The following SCN9A variants were observed in gnomAD, a reference collection of about 807,000 sequenced individuals.
SCN9A encodes the protein sodium voltage-gated channel alpha subunit 9.
In SCN9A, 131 loss-of-function variants were observed where a neutral mutation model predicts 187.0. The observed-to-expected ratio is 0.70, with a 90% confidence interval of 0.61 to 0.81. The LOEUF (loss-of-function observed/expected upper bound fraction) is 0.81. Ranked by LOEUF, SCN9A falls within the 30% of genes least tolerant of loss-of-function variation. SCN9A has a pLI of 0.00. For synonymous variants in SCN9A, 809 were observed against 808.6 expected, an observed-to-expected ratio of 1.00 and a Z score of -0.01; for missense variants, 2,252 against 2,396.6, an observed-to-expected ratio of 0.94 and a Z score of 1.26.
At chr2:166,211,150 A>G (rs1417720830) in intron 24 of SCN9A, among the ~76,000 whole-genome samples, 1 of 152,232 alleles carries the variant, frequency 6.6e-6, no homozygotes, top group Admixed American at 6.5e-5. Flanking sequence ...GCAAGAAAAA[A>G]ACTGAATTGT....
rs369396806 is a variant in SCN9A, at chr2:166,281,745, G to C, written c.2038C>G (p.Leu680Val). Reference sequence around the variant, plus strand: ...CTCTGTCTGAGGTTGGGATCATTCAGCATATCCTCTGAAAGGAGATAGGAA... The same window carrying C: ...CTCTGTCTGAGGTTGGGATCATTCACCATATCCTCTGAAAGGAGATAGGAA... ...CSSYLLSEDM[L>V]NDPNLRQRAM... is the part of the protein sequence containing the mutation. Residue 680 changes from leucine to valine, a missense_variant, in exon 13 of 27, where the codon CTG becomes GTG. By Grantham distance (32) the Leu-to-Val change is conservative. Transcript: ENST00000642356. 22 of 1,612,974 alleles carry C rather than the reference G, an allele frequency of 1.4e-5. No individual in the cohort carries two copies. The African/African-American group carries it at 2.4e-4, about 18-fold the overall frequency.
chr2:166,370,192 A>AAATAAT (rs752123654), intron 1 of SCN9A, among the ~76,000 whole-genome samples: 1 of 141,406 alleles, frequency 7.1e-6, no homozygotes, highest in African/African-American at 2.6e-5. Flanking sequence ...CCCCCAGTTA[A>AAATAAT]AATAATAATA....
intron 17 of SCN9A, among the ~76,000 whole-genome samples, chr2:166,271,693 A>G (rs796849571): frequency 6.6e-6 from 1 of 151,986 alleles, no homozygotes; most frequent in African/African-American, 2.4e-5. Context: ...TGTCTCTACA[A>G]ACTTTTTTAA....
intron 1 of SCN9A, among the ~76,000 whole-genome samples, chr2:166,358,089 G>A (rs1166823348): frequency 7.2e-6 from 1 of 139,488 alleles, no homozygotes; most frequent in Non-Finnish European, 1.6e-5. Flanking sequence ...TTTATTTTGA[G>A]ATGGAGTCGC....
intron 1 of SCN9A, among the ~76,000 whole-genome samples, chr2:166,359,914 C>G (rs1176234235): frequency 6.6e-6 from 1 of 150,790 alleles, no homozygotes; most frequent in African/African-American, 2.4e-5. Context: ...ATATAGTATT[C>G]CTCAAGTTTA....
At chr2:166,325,887 C>A (rs1699350579) in intron 1 of SCN9A, among the ~76,000 whole-genome samples, 1 of 152,106 alleles carries the variant, frequency 6.6e-6, no homozygotes, top group African/African-American at 2.4e-5. Flanking sequence ...ACTACAAAAG[C>A]CCCTTTTGTC....
Position 166,278,153 on chromosome 2 carries a change from C to A in SCN9A, c.2504G>T (p.Arg835Leu). ...LADVEGLSVL[R>L]SFRLLRVFKL... ...GTTTATGTTTACCAGTCTGAATGAT[C>A]GCAGAACTGACAATCCTTCCACATC... Residue 835 changes from arginine to leucine, a missense_variant, in exon 15 of 27, where the codon CGA becomes CTA. Coordinates refer to ENST00000642356, the MANE Select transcript of SCN9A (RefSeq NM_001365536.1). 6.2e-7 allele frequency: 1 copy of A among 1,612,124 alleles called. No individual in the cohort carries two copies. The highest frequency in any genetic ancestry group is 8.5e-7 in the Non-Finnish European group (1 of 1,179,188).
At chr2:166,276,416 A>T (rs545396900) in intron 16 of SCN9A, 1 of 152,288 alleles carries the variant, frequency 6.6e-6, no homozygotes, top group African/African-American at 2.4e-5. Flanking sequence ...GAACACTAAA[A>T]TTTGCATTTC....
chr2:166,311,724 G>A lies in SCN9A; in HGVS notation c.33C>T (p.Ser11=), dbSNP rs746554596. 1.2e-6 allele frequency: 2 copies of A among 1,609,234 alleles called. No individual in the cohort carries two copies. Among genetic ancestry groups the A allele is most frequent in the African/African-American group, 2.7e-5 (2 of 74,746 alleles). The change falls in exon 2 of 27, where the codon AGC becomes AGT. Residue 11 remains serine, a synonymous_variant. Coordinates refer to ENST00000642356, the MANE Select transcript of SCN9A (RefSeq NM_001365536.1). The part of the protein sequence containing the change: MAMLPPPGPQ[S]FVHFTKQSLA... ...GAGACTGTTTTGTGAAATGGACAAA[G>A]CTCTGAGGTCCTGGGGGAGGCAACA...
intron 24 of SCN9A, among the ~76,000 whole-genome samples, chr2:166,221,861 A>T (rs969321558): frequency 5.9e-5 from 9 of 152,172 alleles, no homozygotes; most frequent in Admixed American, 2.0e-4. Flanking sequence ...CCAAGAATAC[A>T]CAATAGAAAA....
At position 166,373,306 on chromosome 2, in the gene SCN9A, C is replaced by T. The variant is rs1463267460; in HGVS notation, c.-51+2391G>A. ...GTTTATTTCTTCTTCTCCTCTTCTT[C>T]TTCCTCTTTTTTTTTTTTTTTAAAT... On this transcript the variant is annotated intron_variant, in intron 1 of 26. Transcript: ENST00000642356. Among the ~76,000 whole-genome samples, 5 of 142,168 alleles carry T rather than the reference C, an allele frequency of 3.5e-5. No homozygotes were observed. The East Asian group carries it at 1.1e-3, about 30-fold the overall frequency. The allele number at this position is 142,168 out of a possible 152,430, so 93.3% of individuals were successfully genotyped here. A position where few individuals can be genotyped will look rare whatever the true frequency, so the allele number is the denominator to read the frequency against.
intron 24 of SCN9A, among the ~76,000 whole-genome samples, chr2:166,219,906 GT>G (rs1185076227): frequency 2.6e-5 from 4 of 152,120 alleles, no homozygotes; most frequent in South Asian, 2.1e-4. Context: ...TCAAAACATT[GT>G]TTTGTACCCC....
rs947485667 is a variant in SCN9A, at chr2:166,286,498, T to C, written c.1440A>G (p.Arg480=). 2 of 1,613,562 alleles carry C rather than the reference T, an allele frequency of 1.2e-6. No individual in the cohort carries two copies. The highest frequency in any genetic ancestry group is 1.7e-6 in the Non-Finnish European group (2 of 1,179,814). ...SKSAKERRNR[R]KKKNQKKLSS... is the part of the protein sequence containing the mutation. ...AGAGCTTCTTTTGATTCTTTTTCTT[T>C]CTTCTGTTTCTTCTTTCTTTAGCAC... The change falls in exon 11 of 27, where the codon AGA becomes AGG. Residue 480 remains arginine, a synonymous_variant. Transcript: ENST00000642356.
chr2:166,215,992 T>C (rs1694314487), intron 24 of SCN9A, among the ~76,000 whole-genome samples: 1 of 151,948 alleles, frequency 6.6e-6, no homozygotes, highest in South Asian at 2.1e-4. Context: ...TTCACAACAA[T>C]ATATTAGCAA....
chr2:166,291,179 G>A (rs866605346), intron 9 of SCN9A, among the ~76,000 whole-genome samples: 2 of 152,022 alleles, frequency 1.3e-5, no homozygotes, highest in Non-Finnish European at 1.5e-5. Flanking sequence ...TAGAAAACCC[G>A]ATCATCTCAG....
chr2:166,332,833 C>T (rs1349611568), intron 1 of SCN9A, among the ~76,000 whole-genome samples: 3 of 151,752 alleles, frequency 2.0e-5, no homozygotes, highest in Admixed American at 2.0e-4. Flanking sequence ...AAAACCAAGC[C>T]ATTATTTAAT....
At chr2:166,263,084 A>G (rs934397744) in intron 17 of SCN9A, among the ~76,000 whole-genome samples, 1 of 151,926 alleles carries the variant, frequency 6.6e-6, no homozygotes, top group Non-Finnish European at 1.5e-5. Context: ...TCTCCCCTGG[A>G]AAGGTAAAGG....
At position 166,288,448 on chromosome 2, in the gene SCN9A, C is replaced by T. The variant is rs775475997; in HGVS notation, c.1303G>A (p.Glu435Lys). The stretch of plus-strand genomic sequence containing the variant: ...TCAAATAACAGTACCTCAGCTTCTT[C>T]TTGCTCTTTTTTAAGACGGTCTAAC... ...QMLDRLKKEQ[E>K]EAEAIAAAAA... The change falls in exon 10 of 27, where the codon GAA becomes AAA. Residue 435 changes from glutamate to lysine, a missense_variant. Coordinates refer to ENST00000642356, the MANE Select transcript of SCN9A (RefSeq NM_001365536.1). 9 of 1,608,768 alleles carry T rather than the reference C, an allele frequency of 5.6e-6. No individual in the cohort carries two copies. In the African/African-American group the frequency reaches 1.1e-4, roughly 19 times the overall value.
At chr2:166,296,812 T>TTAAC (rs1698319789) in intron 7 of SCN9A, among the ~76,000 whole-genome samples, 1 of 152,114 alleles carries the variant, frequency 6.6e-6, no homozygotes, top group African/African-American at 2.4e-5. Context: ...AGATTTAAGG[T>TTAAC]TAACATCTTT....
Sources: allele counts gnomAD v4.1 joint callset (sites outside exome capture counted in the v4.1 genomes callset), GRCh38; gene constraint gnomAD v4.1.1; transcripts MANE v1.5; gene names NCBI Gene and HGNC (gene_info 2026-07-23, HGNC 2026-07-21).